NEK7: variants seen among roughly 807,000 people sequenced by gnomAD.
NEK7 encodes serine/threonine-protein kinase Nek7.
A neutral mutation model predicts 44.6 loss-of-function variants in NEK7; 18 were observed. That is an observed-to-expected ratio of 0.40 (90% confidence interval 0.28 to 0.60). The LOEUF (loss-of-function observed/expected upper bound fraction) is 0.60, where lower values mean the gene tolerates loss of function less well. NEK7 is among the 20% of genes least tolerant of loss of function. The pLI, the probability that NEK7 is intolerant of heterozygous loss-of-function variation, is 0.38. For synonymous variants in NEK7, 130 were observed against 121.1 expected (o/e 1.07, Z -0.48); for missense variants, 256 against 366.5 (o/e 0.70, Z 2.46).
intron 9 of NEK7, among the ~76,000 whole-genome samples, chr1:198,303,964 T>C (rs1255892874): frequency 6.6e-6 from 1 of 152,186 alleles, no homozygotes; most frequent in Non-Finnish European, 1.5e-5. Flanking sequence ...TCCTATAAAT[T>C]GTTTCGGTAA....
intron 2 of NEK7, among the ~76,000 whole-genome samples, chr1:198,248,661 T>G (rs1389275459): frequency 1.3e-5 from 2 of 152,170 alleles, no homozygotes; most frequent in Non-Finnish European, 2.9e-5. Flanking sequence ...TAAATAACTG[T>G]CAGGAAGTTA....
intron 1 of NEK7, among the ~76,000 whole-genome samples, chr1:198,204,664 A>T (rs762349125): frequency 3.4e-5 from 5 of 147,328 alleles, no homozygotes; most frequent in Non-Finnish European, 5.9e-5. Flanking sequence ...GCCTGCAGTG[A>T]GCCAGAGATC....
At chr1:198,233,890 T>G (rs1201143064) in intron 2 of NEK7, among the ~76,000 whole-genome samples, 1 of 151,970 alleles carries the variant, frequency 6.6e-6, no homozygotes, top group Non-Finnish European at 1.5e-5. Flanking sequence ...CCTCCAATTT[T>G]CTAAATCCTG....
intron 3 of NEK7, among the ~76,000 whole-genome samples, chr1:198,261,965 T>G (rs1018828470): frequency 1.3e-5 from 2 of 151,878 alleles, no homozygotes; most frequent in African/African-American, 4.8e-5. Context: ...TAGAGTAAAA[T>G]TTTGTTACCC....
At chr1:198,215,648 A>T (rs1665895598) in intron 1 of NEK7, among the ~76,000 whole-genome samples, 2 of 152,128 alleles carry the variant, frequency 1.3e-5, no homozygotes, top group African/African-American at 4.8e-5. Context: ...CCAAATAAGT[A>T]TTGATTTCAG....
intron 9 of NEK7, among the ~76,000 whole-genome samples, chr1:198,308,846 C>G (rs187539148): frequency 2.6e-4 from 39 of 152,124 alleles, no homozygotes; most frequent in African/African-American, 3.1e-4. Flanking sequence ...TCTCTCCCCC[C>G]CTTTTATATA....
At position 198,235,748 on chromosome 1, in the gene NEK7, G is replaced by A. The variant is rs1361247493; in HGVS notation, c.57+3111G>A. ...TCAGAGTACAATTTTAAGAATTTTT[G>A]CGAGTTATTAGAAGGAGGATTAATT... On this transcript the variant is annotated intron_variant, in intron 2 of 9. Transcript: ENST00000367385. Among the ~76,000 whole-genome samples, 3 of 152,128 alleles carry A rather than the reference G, an allele frequency of 2.0e-5. No homozygotes were observed. The Middle Eastern group carries it at 0.01, about 521-fold the overall frequency.
At chr1:198,192,094 A>C (rs1015081735) in intron 1 of NEK7, among the ~76,000 whole-genome samples, 4 of 151,856 alleles carry the variant, frequency 2.6e-5, no homozygotes, top group Non-Finnish European at 5.9e-5. Context: ...TTTTAGAATT[A>C]ATTTTTTATA....
chr1:198,216,527 G>A (rs1324006141), intron 1 of NEK7, among the ~76,000 whole-genome samples: 1 of 151,802 alleles, frequency 6.6e-6, no homozygotes, highest in African/African-American at 2.4e-5. Flanking sequence ...TCTTCTTAGA[G>A]AGACAAGAAC....
At chr1:198,228,049 G>A (rs1666280432) in intron 1 of NEK7, among the ~76,000 whole-genome samples, 1 of 152,124 alleles carries the variant, frequency 6.6e-6, no homozygotes, top group African/African-American at 2.4e-5. Context: ...TTTTGTATAA[G>A]GTGTAAGGAA....
Position 198,225,255 on chromosome 1 carries a change from C to CAAAA in NEK7, c.-28-7286_-28-7283dup, listed in dbSNP as rs34192199. 7.8e-3 allele frequency among the ~76,000 whole-genome samples: 1,033 copies of CAAAA among 133,110 alleles called. 8 individuals carry two copies. The highest frequency in any genetic ancestry group is 0.021 in the African/African-American group (805 of 38,258). The allele number at this position is 133,110 out of a possible 152,430, so 87.3% of individuals were successfully genotyped here. On this transcript the variant is annotated intron_variant, in intron 1 of 9. Transcript: ENST00000367385. ...GATGACTTGAGAAGCGTGTAGGTTACAAAAAAAAAAAAAAATTCAGGTCTT... is the reference window on the plus strand; with the variant it reads ...GATGACTTGAGAAGCGTGTAGGTTACAAAAAAAAAAAAAAAAAAATTCAGGTCTT...
intron 7 of NEK7, among the ~76,000 whole-genome samples, chr1:198,280,348 C>G (rs1654156242): frequency 6.6e-6 from 1 of 152,070 alleles, no homozygotes; most frequent in Admixed American, 6.6e-5. Context: ...AGCATTCTGT[C>G]ACTAGTTTAG....
At chr1:198,192,173 A>G (rs931135502) in intron 1 of NEK7, among the ~76,000 whole-genome samples, 1 of 151,402 alleles carries the variant, frequency 6.6e-6, no homozygotes, top group African/African-American at 2.4e-5. Flanking sequence ...AGATTTACTG[A>G]TGTAAAATTT....
intron 9 of NEK7, among the ~76,000 whole-genome samples, chr1:198,316,446 G>A (rs1655369480): frequency 6.6e-6 from 1 of 152,142 alleles, no homozygotes; most frequent in Non-Finnish European, 1.5e-5. Flanking sequence ...AGCTGTGTGG[G>A]TATCGATACC....
chr1:198,297,409 G>T (rs958326349), intron 9 of NEK7, among the ~76,000 whole-genome samples, 169 bp downstream of exon 9: 9 of 152,158 alleles, frequency 5.9e-5, no homozygotes, highest in African/African-American at 1.9e-4. Flanking sequence ...CTAAAGAGTT[G>T]ACTCTGCAAT....
chr1:198,291,141 A>G lies in NEK7; in HGVS notation c.590-1804A>G, dbSNP rs568751938. ...CCCTAATGTACAGCAGGTTTCCCAG[A>G]GCTACTGGTTAAAATTACCTTTGCT... On this transcript the variant is annotated intron_variant, in intron 7 of 9. Coordinates refer to ENST00000367385, the MANE Select transcript of NEK7 (RefSeq NM_133494.3). Among the ~76,000 whole-genome samples the G allele has an allele frequency of 3.5e-4, 53 of 152,224 alleles. 1 individual carries two copies. The highest frequency in any genetic ancestry group is 1.0e-3 in the Admixed American group (16 of 15,282).
At chr1:198,310,566 A>G (rs1387569562) in intron 9 of NEK7, among the ~76,000 whole-genome samples, 1 of 144,222 alleles carries the variant, frequency 6.9e-6, no homozygotes, top group East Asian at 2.5e-4. Context: ...TAGGGTTTTT[A>G]TGGTTATAGG....
intron 1 of NEK7, among the ~76,000 whole-genome samples, chr1:198,179,515 A>G (rs1228502465): frequency 6.6e-6 from 1 of 152,142 alleles, no homozygotes; most frequent in East Asian, 1.9e-4. Context: ...CTCTAAAAAA[A>G]GGATTATTTT....
chr1:198,205,234 A>G (rs1665560348), intron 1 of NEK7, among the ~76,000 whole-genome samples: 1 of 152,250 alleles, frequency 6.6e-6, no homozygotes, highest in Non-Finnish European at 1.5e-5. Flanking sequence ...TTTGGCAGGC[A>G]TTGCCAAGTG....
Sources: allele counts gnomAD v4.1 joint callset (sites outside exome capture counted in the v4.1 genomes callset), GRCh38; gene constraint gnomAD v4.1.1; transcripts MANE v1.5; gene names NCBI Gene and HGNC (gene_info 2026-07-23, HGNC 2026-07-21).